The following DCAF5 variants were observed in gnomAD, a reference collection of about 807,000 sequenced individuals.
The protein encoded by DCAF5 is DDB1- and CUL4-associated factor 5.
Under a neutral mutation model 80.7 loss-of-function variants are expected in DCAF5, and 9 were observed. The ratio of observed to expected loss-of-function variants is 0.11; its 90% confidence interval spans 0.07 to 0.19. The LOEUF is 0.19. Ranked by LOEUF, DCAF5 falls within the 10% of genes least tolerant of loss-of-function variation. DCAF5 has a pLI of 1.00. For missense variants in DCAF5, 842 were observed against 1,205.7 expected, an observed-to-expected ratio of 0.70 and a Z score of 4.47; for synonymous variants, 433 against 461.9, an observed-to-expected ratio of 0.94 and a Z score of 0.80.
Position 69,152,938 on chromosome 14 carries a change from A to G in DCAF5, c.41T>C (p.Val14Ala), listed in dbSNP as rs747158762. The G allele has an allele frequency of 6.2e-7, 1 of 1,613,118 alleles. No homozygotes were observed. Among genetic ancestry groups the G allele is most frequent in the African/African-American group, 1.3e-5 (1 of 74,940 alleles). The change falls in exon 1 of 9, where the codon GTG (valine) becomes GCG (alanine). Residue 14 changes from valine to alanine, a missense_variant. By Grantham distance (64) the Val-to-Ala change is moderately conservative. This residue lies in a region of DCAF5 where 28 missense variants were observed against 28.7 expected (regional missense o/e 0.98). Transcript: ENST00000341516. The surrounding 1 kb of genome is among the most constrained non-coding windows in gnomAD (Gnocchi z 4.1). ...GCCCCGCTGGGACAAGAAGCCCACC[A>G]CTGACCTCATGCTGCCCCCCAGGCC... Reference protein sequence around the residue: ...RAGLGGSMRSVVGFLSQRGLH... With the variant: ...RAGLGGSMRSAVGFLSQRGLH...
At chr14:69,093,177 C>T (rs1190156121) in intron 5 of DCAF5, among the ~76,000 whole-genome samples, 1 of 152,074 alleles carries the variant, frequency 6.6e-6, no homozygotes, top group East Asian at 1.9e-4. Flanking sequence ...ATGTCAAAAC[C>T]AAGTTTTATT....
chr14:69,115,272 T>C (rs1423624444), intron 5 of DCAF5, among the ~76,000 whole-genome samples: 9 of 152,174 alleles, frequency 5.9e-5, no homozygotes, highest in Admixed American at 3.9e-4. Context: ...GAGAAATCTC[T>C]GCTGCCCTGA....
chr14:69,076,467 T>C (rs10134578), intron 6 of DCAF5, among the ~76,000 whole-genome samples: 47,302 of 152,190 alleles, frequency 0.31, 9,610 homozygotes, highest in East Asian at 0.91. Context: ...TTAAAAGGAA[T>C]GAAATTCTGA....
intron 6 of DCAF5, among the ~76,000 whole-genome samples, chr14:69,076,213 C>T (rs1428875166): frequency 2.0e-5 from 3 of 152,090 alleles, no homozygotes; most frequent in Non-Finnish European, 4.4e-5. Flanking sequence ...GGTGCAACTG[C>T]TGTGGAAAAC....
At chr14:69,066,166 G>A (rs2038431791) in intron 7 of DCAF5, among the ~76,000 whole-genome samples, 1 of 144,836 alleles carries the variant, frequency 6.9e-6, no homozygotes, top group Non-Finnish European at 1.5e-5. Flanking sequence ...ATGGAGTCTT[G>A]CTCTGTTGCC....
intron 5 of DCAF5, among the ~76,000 whole-genome samples, chr14:69,092,139 A>T (rs1484029230): frequency 6.6e-6 from 1 of 152,198 alleles, no homozygotes; most frequent in Non-Finnish European, 1.5e-5. Context: ...GAAAAGGATA[A>T]CAAAAACATC....
chr14:69,132,232 T>TG (rs2041063696), intron 1 of DCAF5, among the ~76,000 whole-genome samples: 1 of 152,204 alleles, frequency 6.6e-6, no homozygotes, highest in Non-Finnish European at 1.5e-5. Flanking sequence ...TTTTCCACAG[T>TG]GGCTGCCCCA....
intron 6 of DCAF5, among the ~76,000 whole-genome samples, chr14:69,082,903 AG>A (rs2039170847): frequency 6.6e-6 from 1 of 152,178 alleles, no homozygotes; most frequent in Admixed American, 6.6e-5. Context: ...AACATCTACC[AG>A]GGATTTCCTA....
At chr14:69,060,097 T>C (rs1264705038) in intron 8 of DCAF5, among the ~76,000 whole-genome samples, 1 of 152,084 alleles carries the variant, frequency 6.6e-6, no homozygotes, top group African/African-American at 2.4e-5. Flanking sequence ...AGAAACAGAA[T>C]GACGTCAACA....
At chr14:69,069,067 C>G (rs1452662889) in intron 7 of DCAF5, among the ~76,000 whole-genome samples, 6 of 152,096 alleles carry the variant, frequency 3.9e-5, no homozygotes, top group African/African-American at 1.4e-4. Flanking sequence ...TACTTGCAAC[C>G]AATTAAAAAC....
At chr14:69,097,024 G>C (rs1182507513) in intron 5 of DCAF5, among the ~76,000 whole-genome samples, 2 of 152,102 alleles carry the variant, frequency 1.3e-5, no homozygotes, top group Non-Finnish European at 1.5e-5. Context: ...AGGTAAACAG[G>C]CAGTCTCTGA....
intron 1 of DCAF5, among the ~76,000 whole-genome samples, chr14:69,146,378 A>G (rs546288946): frequency 2.0e-5 from 3 of 152,354 alleles, no homozygotes; most frequent in Non-Finnish European, 2.9e-5. Context: ...ATAGGTATCA[A>G]TTAGCTGACT....
chr14:69,132,195 T>C (rs1158733601), intron 1 of DCAF5, among the ~76,000 whole-genome samples: 1 of 152,176 alleles, frequency 6.6e-6, no homozygotes, highest in African/African-American at 2.4e-5. Context: ...TAATTCTACT[T>C]TTAACTTTTT....
Position 69,052,362 on chromosome 14 carries a change from G to A in DCAF5, c.*1495C>T, listed in dbSNP as rs1040500282. 3 of 152,688 alleles carry A rather than the reference G, an allele frequency of 2.0e-5. No homozygotes were observed. The highest frequency in any genetic ancestry group is 4.8e-5 in the African/African-American group (2 of 41,426). 9.5% of individuals were successfully genotyped at this position (152,688 alleles called of 1,614,324 possible). A position where few individuals can be genotyped will look rare whatever the true frequency, so the allele number is the denominator to read the frequency against. On this transcript the variant is annotated 3_prime_UTR_variant, in exon 9 of 9. Coordinates refer to ENST00000341516, the MANE Select transcript of DCAF5 (RefSeq NM_003861.3). ...GGGCAGTGAGGCCACACTAGTCAGC[G>A]TTCGGCCCTCCCTACACCAATCCCA...
At chr14:69,098,893 C>CAAAAAAAAAAAAA (rs57089112) in intron 5 of DCAF5, among the ~76,000 whole-genome samples, 38 of 59,556 alleles carry the variant, frequency 6.4e-4, no homozygotes, top group South Asian at 1.3e-3. Flanking sequence ...ACTCTGTCTC[C>CAAAAAAAAAAAAA]AAAAAAAAAA....
At chr14:69,087,568 A>G (rs1002000736) in intron 6 of DCAF5, among the ~76,000 whole-genome samples, 13 of 152,226 alleles carry the variant, frequency 8.5e-5, no homozygotes, top group African/African-American at 3.1e-4. Flanking sequence ...CTGATGCTAG[A>G]AGTTATCAAA....
At chr14:69,058,655 G>T (rs188642434) in intron 8 of DCAF5, among the ~76,000 whole-genome samples, 11 of 151,736 alleles carry the variant, frequency 7.2e-5, no homozygotes, top group African/African-American at 2.7e-4. Flanking sequence ...CAGGAGGATC[G>T]CTTGAGCCCA....
At chr14:69,100,847 A>G (rs2039928346) in intron 5 of DCAF5, among the ~76,000 whole-genome samples, 1 of 152,214 alleles carries the variant, frequency 6.6e-6, no homozygotes, top group Non-Finnish European at 1.5e-5. Context: ...TATCTAAAAT[A>G]TGTGACTCCC....
intron 8 of DCAF5, among the ~76,000 whole-genome samples, chr14:69,057,157 G>A (rs1331192113): frequency 6.6e-6 from 1 of 152,126 alleles, no homozygotes; most frequent in African/African-American, 2.4e-5. Context: ...ATCAACTTTT[G>A]AGAAACACTA....
Sources: gnomAD v4.1 joint callset for allele counts (sites outside exome capture counted in the v4.1 genomes callset) on GRCh38, gnomAD v4.1.1 for gene constraint, gnomAD v4.1.1 regional missense constraint, Gnocchi (gnomAD v3.1) non-coding constraint, MANE v1.5 for transcripts, NCBI Gene and HGNC (gene_info 2026-07-23, HGNC 2026-07-21) for gene names.